THEMIS: variants seen among roughly 807,000 people sequenced by gnomAD.
The protein encoded by THEMIS is protein THEMIS.
THEMIS carries 37 observed loss-of-function variants against 52.6 expected under a neutral mutation model. The ratio of observed to expected loss-of-function variants is 0.70; its 90% confidence interval spans 0.54 to 0.93. The LOEUF is 0.93. Among genes scored for constraint, THEMIS ranks in the 40% least tolerant of loss-of-function variants. The pLI, the probability that THEMIS is intolerant of heterozygous loss-of-function variation, is 0.00. For synonymous variants in THEMIS, 292 were observed against 272.7 expected (o/e 1.07, Z -0.70); for missense variants, 808 against 763.1 (o/e 1.06, Z -0.69).
chr6:127,719,915 T>TTTCAGACATACAGAA, intron 4 of THEMIS, 92 bp from the exon 5 acceptor site: 1 of 1,494,412 alleles, frequency 6.7e-7, no homozygotes, highest in Non-Finnish European at 9.1e-7. Context: ...TTCATTTCTG[T>TTTCAGACATACAGAA]ATGTCTGAAA....
chr6:127,899,186 A>G (rs1450785003), intron 1 of THEMIS, among the ~76,000 whole-genome samples: 3 of 151,880 alleles, frequency 2.0e-5, no homozygotes, highest in South Asian at 4.1e-4. Context: ...CATTACTCTG[A>G]CTTGATTATT....
intron 4 of THEMIS, among the ~76,000 whole-genome samples, chr6:127,743,568 T>C (rs1346284003): frequency 6.6e-6 from 1 of 152,098 alleles, no homozygotes; most frequent in African/African-American, 2.4e-5. Context: ...TAGAGTCTTT[T>C]AAGAAAAATG....
At chr6:127,891,538 C>CAAAAAAA (rs67886431) in intron 1 of THEMIS, among the ~76,000 whole-genome samples, 6 of 96,832 alleles carry the variant, frequency 6.2e-5, no homozygotes, top group East Asian at 4.4e-4. Flanking sequence ...TCCAGCTCAA[C>CAAAAAAA]AAAAAAAAAA....
At chr6:127,900,199 C>T (rs1391511167) in intron 1 of THEMIS, among the ~76,000 whole-genome samples, 4 of 151,838 alleles carry the variant, frequency 2.6e-5, no homozygotes, top group African/African-American at 9.7e-5. Context: ...AATGTTCTTT[C>T]ACCTGAATTA....
chr6:127,730,292 A>AAAAGAAAAGAAAAG, intron 4 of THEMIS, among the ~76,000 whole-genome samples: 1 of 145,124 alleles, frequency 6.9e-6, no homozygotes, highest in Non-Finnish European at 1.5e-5. Flanking sequence ...AAAAGAAAAG[A>AAAAGAAAAGAAAAG]AAAGAAAAGA....
intron 4 of THEMIS, among the ~76,000 whole-genome samples, chr6:127,810,258 T>A (rs1007345342): frequency 1.8e-4 from 28 of 152,098 alleles, no homozygotes; most frequent in African/African-American, 6.3e-4. Flanking sequence ...ATTATTTGTA[T>A]CTCCATATCT....
intron 1 of THEMIS, among the ~76,000 whole-genome samples, chr6:127,874,678 A>G (rs1438719923): frequency 6.6e-6 from 1 of 152,236 alleles, no homozygotes; most frequent in East Asian, 1.9e-4. Flanking sequence ...ATACACACAC[A>G]AATATTGACT....
the THEMIS span, among the ~76,000 whole-genome samples, chr6:127,701,786 A>T: frequency 1.3e-5 from 2 of 152,124 alleles, no homozygotes; most frequent in African/African-American, 4.8e-5. Context: ...TTGCCTAAAG[A>T]TTGCTGTGAT....
chr6:127,844,619 G>A (rs1779155068), intron 2 of THEMIS, among the ~76,000 whole-genome samples: 1 of 151,752 alleles, frequency 6.6e-6, no homozygotes, highest in African/African-American at 2.4e-5. Flanking sequence ...TCATAAAAAT[G>A]GTATTGAAAC....
intron 4 of THEMIS, among the ~76,000 whole-genome samples, chr6:127,755,012 C>CT (rs200184520): frequency 0.069 from 10,287 of 149,394 alleles, 355 homozygotes; most frequent in Non-Finnish European, 0.086. Context: ...CACATTCATT[C>CT]TTTTTTTTTT....
chr6:127,873,278 A>G (rs1239053108), intron 1 of THEMIS, among the ~76,000 whole-genome samples: 3 of 152,196 alleles, frequency 2.0e-5, no homozygotes, highest in Non-Finnish European at 4.4e-5. Context: ...TTTTGTAGGT[A>G]TAGATGAGAT....
chr6:127,748,458 A>C (rs1267584810), intron 4 of THEMIS, among the ~76,000 whole-genome samples: 1 of 152,076 alleles, frequency 6.6e-6, no homozygotes, highest in Non-Finnish European at 1.5e-5. Context: ...CCATGAGATC[A>C]AGAACTCACT....
chr6:127,769,421 C>T (rs1776305238), intron 4 of THEMIS, among the ~76,000 whole-genome samples: 1 of 149,188 alleles, frequency 6.7e-6, no homozygotes, highest in Non-Finnish European at 1.5e-5. Context: ...ATGTTCTTTG[C>T]TTTTTCCCAG....
intron 1 of THEMIS, among the ~76,000 whole-genome samples, chr6:127,880,439 T>A (rs907114480): frequency 2.6e-5 from 4 of 152,010 alleles, no homozygotes; most frequent in African/African-American, 9.7e-5. Context: ...TTAGTCATTT[T>A]AAAAATCAGG....
chr6:127,831,234 A>G (rs957858639), intron 2 of THEMIS, among the ~76,000 whole-genome samples: 4 of 152,178 alleles, frequency 2.6e-5, no homozygotes, highest in Non-Finnish European at 4.4e-5. Context: ...ACTACTTAAG[A>G]TACAGATTTT....
At chr6:127,745,219 T>G (rs1775346430) in intron 4 of THEMIS, among the ~76,000 whole-genome samples, 1 of 151,996 alleles carries the variant, frequency 6.6e-6, no homozygotes, top group Admixed American at 6.6e-5. Context: ...TTTCAAGGAC[T>G]TTAAATATGA....
chr6:127,863,396 T>A (rs1779871143), intron 1 of THEMIS, among the ~76,000 whole-genome samples: 1 of 152,228 alleles, frequency 6.6e-6, no homozygotes, highest in Non-Finnish European at 1.5e-5. Flanking sequence ...TGATCTGCTT[T>A]ACTTTTGAGC....
downstream of THEMIS, among the ~76,000 whole-genome samples, chr6:127,705,797 C>T (rs1391954520): frequency 6.6e-6 from 1 of 152,080 alleles, no homozygotes; most frequent in Non-Finnish European, 1.5e-5. Context: ...TCATAGGGTA[C>T]ACAATTTGGA....
At chr6:127,818,015 T>C (rs957952342) in intron 3 of THEMIS, among the ~76,000 whole-genome samples, 23 of 152,176 alleles carry the variant, frequency 1.5e-4, no homozygotes, top group African/African-American at 4.8e-4. Context: ...AGGAAAACTA[T>C]TTTAGCACAG....
Sources: gnomAD v4.1 joint callset for allele counts (sites outside exome capture counted in the v4.1 genomes callset) on GRCh38, gnomAD v4.1.1 for gene constraint, MANE v1.5 for transcripts, NCBI Gene and HGNC (gene_info 2026-07-23, HGNC 2026-07-21) for gene names.